Variants in RRP1B observed in about 807,000 individuals in gnomAD.
RRP1B encodes the protein ribosomal RNA processing 1B.
A neutral mutation model predicts 80.2 loss-of-function variants in RRP1B; 56 were observed. The observed-to-expected ratio is 0.70, with a 90% CI of 0.56 to 0.87. The LOEUF is 0.87. RRP1B is among the 40% of genes least tolerant of loss of function. RRP1B has a pLI of 0.00. For synonymous variants in RRP1B, 351 were observed against 357.6 expected (o/e 0.98, Z 0.21); for missense variants, 807 against 939.8 (o/e 0.86, Z 1.85).
intron 1 of RRP1B, among the ~76,000 whole-genome samples, chr21:43,667,163 G>A (rs775755326): frequency 8.5e-5 from 13 of 152,128 alleles, no homozygotes; most frequent in South Asian, 2.1e-4. Flanking sequence ...ATGATCGGTC[G>A]GTGGGTTTGG....
chr21:43,668,294 A>G (rs1437292520), intron 1 of RRP1B, among the ~76,000 whole-genome samples: 1 of 152,050 alleles, frequency 6.6e-6, no homozygotes, highest in African/African-American at 2.4e-5. Flanking sequence ...CAATACCTGT[A>G]AATTAAGGTT....
At chr21:43,685,508 T>C (rs2083059403) in intron 10 of RRP1B, among the ~76,000 whole-genome samples, 1 of 152,230 alleles carries the variant, frequency 6.6e-6, no homozygotes. Flanking sequence ...GATGCATCTT[T>C]GGCCCGCCGT....
intron 2 of RRP1B, among the ~76,000 whole-genome samples, chr21:43,671,711 A>C (rs1160893963): frequency 6.6e-6 from 1 of 150,424 alleles, no homozygotes; most frequent in Non-Finnish European, 1.5e-5. Flanking sequence ...TTGTTTTGAG[A>C]TGGAGTCTAG....
At position 43,659,808 on chromosome 21, in the gene RRP1B, C is replaced by T; in HGVS notation, c.130+14C>T. 6.7e-7 allele frequency: 1 copy of T among 1,490,220 alleles called. No individual in the cohort carries two copies. The highest frequency in any genetic ancestry group is 9.0e-7 in the Non-Finnish European group (1 of 1,113,820). The allele number at this position is 1,490,220 out of a possible 1,614,324, so 92.3% of individuals were successfully genotyped here. A position where few individuals can be genotyped will look rare whatever the true frequency, so the allele number is the denominator to read the frequency against. ...AGAGGGAGACAGGTGGGCGCACGGC[C>T]GCGGTCAGCCGCGCCACATGGCGGG... On this transcript the variant is annotated intron_variant, in intron 1 of 15. Transcript: ENST00000340648. This position sits in a 1 kb window ranked among gnomAD's most constrained non-coding sequence, Gnocchi z 4.2.
At chr21:43,660,901 T>A (rs774694209) in intron 1 of RRP1B, among the ~76,000 whole-genome samples, 3 of 152,210 alleles carry the variant, frequency 2.0e-5, no homozygotes, top group Non-Finnish European at 4.4e-5. Flanking sequence ...AAAAATACTT[T>A]CTATAAACTC....
chr21:43,683,972 C>CAA (rs60372004), intron 9 of RRP1B, among the ~76,000 whole-genome samples: 6,254 of 88,706 alleles, frequency 0.071, 390 homozygotes, highest in South Asian at 0.11. Flanking sequence ...GACTCTGGCT[C>CAA]AAAAAAAAAA....
Position 43,690,362 on chromosome 21 carries a change from C to T in RRP1B, c.1941C>T (p.Thr647=). 1.2e-6 allele frequency: 2 copies of T among 1,614,190 alleles called. No homozygotes were observed. Among genetic ancestry groups the T allele is most frequent in the Non-Finnish European group, 1.7e-6 (2 of 1,180,030 alleles). ...AGAGCGACTTTGTGAAGTTTGACAC[C>T]CCCTTCTTACCAAAGCCCCTGTTCT... ...RAESDFVKFD[T]PFLPKPLFFR... is the part of the protein sequence containing the mutation. Residue 647 remains threonine, a synonymous_variant, in exon 14 of 16, where the codon ACC becomes ACT. Transcript: ENST00000340648.
At chr21:43,665,762 ACTC>A (rs2082975937) in intron 1 of RRP1B, among the ~76,000 whole-genome samples, 1 of 149,488 alleles carries the variant, frequency 6.7e-6, no homozygotes, top group South Asian at 2.2e-4. Flanking sequence ...TGACATGACA[ACTC>A]CCCTTCCCCT....
chr21:43,690,579 C>T, intron 14 of RRP1B, 139 bp downstream of exon 14: 2 of 932,808 alleles, frequency 2.1e-6, no homozygotes, highest in Non-Finnish European at 3.2e-6. Flanking sequence ...GGTTCCACGG[C>T]CAGGGTAGCA....
chr21:43,690,932 T>C (rs2083083773), intron 14 of RRP1B, among the ~76,000 whole-genome samples: 1 of 152,182 alleles, frequency 6.6e-6, no homozygotes, highest in Non-Finnish European at 1.5e-5. Context: ...AGCTGGAAAC[T>C]GTGTGTCCAT....
intron 1 of RRP1B, among the ~76,000 whole-genome samples, chr21:43,664,150 C>T (rs1195232727): frequency 2.0e-5 from 3 of 151,720 alleles, no homozygotes; most frequent in African/African-American, 2.4e-5. Flanking sequence ...TAAAAGGGAA[C>T]AAAATGGGCC....
At position 43,685,763 on chromosome 21, in the gene RRP1B, T is replaced by C. The variant is rs766852476; in HGVS notation, c.990-7T>C. On this transcript the variant is annotated splice_polypyrimidine_tract_variant and splice_region_variant and intron_variant, in intron 10 of 15. Transcript: ENST00000340648. ...TTATTTTTTATTTTTTATTTTTTTA[T>C]TTTTAGATTCCAAGACCTTTCTGAA... The C allele has an allele frequency of 3.9e-6, 6 of 1,526,588 alleles. No individual in the cohort carries two copies. Among genetic ancestry groups the C allele is most frequent in the Admixed American group, 2.1e-5 (1 of 47,940 alleles). The allele number at this position is 1,526,588 out of a possible 1,614,324, so 94.6% of individuals were successfully genotyped here. A position where few individuals can be genotyped will look rare whatever the true frequency, so the allele number is the denominator to read the frequency against.
chr21:43,682,949 T>G (rs2083049409), intron 8 of RRP1B, among the ~76,000 whole-genome samples: 1 of 152,256 alleles, frequency 6.6e-6, no homozygotes, highest in Non-Finnish European at 1.5e-5. Flanking sequence ...CTTGGCTCAC[T>G]GCAACCTCTG....
At chr21:43,663,401 C>T (rs543091797) in intron 1 of RRP1B, among the ~76,000 whole-genome samples, 2 of 152,178 alleles carry the variant, frequency 1.3e-5, no homozygotes, top group East Asian at 1.9e-4. Context: ...GAGTAGCGAG[C>T]GCCCACCACC....
At chr21:43,662,618 A>G (rs1221442147) in intron 1 of RRP1B, among the ~76,000 whole-genome samples, 2 of 147,586 alleles carry the variant, frequency 1.4e-5, no homozygotes, top group African/African-American at 5.1e-5. Flanking sequence ...TTTAAAAATA[A>G]ATTGGAAATC....
At chr21:43,671,614 C>T (rs933409079) in intron 2 of RRP1B, among the ~76,000 whole-genome samples, 2 of 151,938 alleles carry the variant, frequency 1.3e-5, no homozygotes, top group African/African-American at 2.4e-5. Flanking sequence ...GCGATCCACC[C>T]GCCTCGGCCT....
chr21:43,664,158 G>T (rs1200424902), intron 1 of RRP1B, among the ~76,000 whole-genome samples: 1 of 152,004 alleles, frequency 6.6e-6, no homozygotes, highest in African/African-American at 2.4e-5. Context: ...AACAAAATGG[G>T]CCGGGCGCAG....
rs943948534 is a variant in RRP1B at position 43,691,213 on chromosome 21, G to A, written c.2020-226G>A. Among the ~76,000 whole-genome samples the A allele has an allele frequency of 7.2e-5, 11 of 152,212 alleles. No homozygotes were observed. Among genetic ancestry groups the A allele is most frequent in the South Asian group, 4.1e-4 (2 of 4,830 alleles). The stretch of plus-strand genomic sequence containing the variant: ...CACTGACCCTGGGCTGGGGGGTTGC[G>A]TGTGTGGGACGCTGGGAAGGACAAA... On this transcript the variant is annotated intron_variant, in intron 14 of 15. Coordinates refer to ENST00000340648, the MANE Select transcript of RRP1B (RefSeq NM_015056.3). The surrounding 1 kb of genome is among the most constrained non-coding windows in gnomAD (Gnocchi z 4.2).
rs1470299238 is a variant in RRP1B at position 43,693,614 on chromosome 21, T to C, written c.*231T>C. 2.2e-6 allele frequency: 1 copy of C among 455,180 alleles called. No homozygotes were observed. The highest frequency in any genetic ancestry group is 2.1e-5 in the African/African-American group (1 of 48,378). The allele number at this position is 455,180 out of a possible 1,614,324, so 28.2% of individuals were successfully genotyped here. A position where few individuals can be genotyped will look rare whatever the true frequency, so the allele number is the denominator to read the frequency against. Reference sequence around the variant, plus strand: ...GTTTGCGTTTGAGCTCTCCAGGATTTTACATTTTTGGGTAACCTCAGTGAT... The same window carrying C: ...GTTTGCGTTTGAGCTCTCCAGGATTCTACATTTTTGGGTAACCTCAGTGAT... On this transcript the variant is annotated 3_prime_UTR_variant, in exon 16 of 16. Coordinates refer to ENST00000340648, the MANE Select transcript of RRP1B (RefSeq NM_015056.3). This position sits in a 1 kb window ranked among gnomAD's most constrained non-coding sequence, Gnocchi z 4.1.
Sources: gnomAD v4.1 joint callset for allele counts (sites outside exome capture counted in the v4.1 genomes callset) on GRCh38, gnomAD v4.1.1 for gene constraint, Gnocchi (gnomAD v3.1) non-coding constraint, MANE v1.5 for transcripts, NCBI Gene and HGNC (gene_info 2026-07-23, HGNC 2026-07-21) for gene names.